SLC22A23: variants seen among roughly 807,000 people sequenced by gnomAD.
SLC22A23 encodes ion transporter protein.
SLC22A23 carries 26 observed loss-of-function variants against 61.0 expected under a neutral mutation model. The observed-to-expected ratio is 0.43, with a 90% CI of 0.31 to 0.59. SLC22A23 has a LOEUF of 0.59. Among genes scored for constraint, SLC22A23 ranks in the 20% least tolerant of loss-of-function variants. SLC22A23 has a pLI of 0.11. For synonymous variants in SLC22A23, 430 were observed against 413.9 expected (o/e 1.04, Z -0.47); for missense variants, 796 against 934.7 (o/e 0.85, Z 1.94).
chr6:3,391,816 C>T (rs1767677284), intron 3 of SLC22A23, among the ~76,000 whole-genome samples: 1 of 152,008 alleles, frequency 6.6e-6, no homozygotes, highest in South Asian at 2.1e-4. Context: ...GTTCCACAGG[C>T]ATCAACTGAA....
chr6:3,395,627 T>C (rs1415666758), intron 3 of SLC22A23, among the ~76,000 whole-genome samples: 1 of 152,232 alleles, frequency 6.6e-6, no homozygotes, highest in Non-Finnish European at 1.5e-5. Context: ...GGCTTGCTCA[T>C]GGAGCAGGCC....
intron 3 of SLC22A23, among the ~76,000 whole-genome samples, chr6:3,402,825 T>C (rs919552426): frequency 1.3e-5 from 2 of 152,152 alleles, no homozygotes; most frequent in South Asian, 2.1e-4. Context: ...CACTCAACAA[T>C]GGCAAGGGTT....
intron 3 of SLC22A23, among the ~76,000 whole-genome samples, chr6:3,335,196 T>C (rs1427646447): frequency 1.3e-5 from 2 of 152,220 alleles, no homozygotes; most frequent in East Asian, 1.9e-4. Context: ...AGGTCTGTGA[T>C]TGAGGAAAAT....
At chr6:3,287,229 G>A (rs979584169) in intron 6 of SLC22A23, 138 bp from the exon 7 acceptor site, 45 of 735,794 alleles carry the variant, frequency 6.1e-5, no homozygotes, top group Non-Finnish European at 8.3e-5. Flanking sequence ...CATCATGACC[G>A]AACCACGAGC....
intron 3 of SLC22A23, among the ~76,000 whole-genome samples, chr6:3,345,948 G>C (rs954117226): frequency 2.0e-5 from 3 of 152,180 alleles, no homozygotes; most frequent in Non-Finnish European, 2.9e-5. Context: ...TTCTCCGAGA[G>C]TGTTGGCTGC....
intron 1 of SLC22A23, among the ~76,000 whole-genome samples, chr6:3,431,491 T>C (rs1170314963): frequency 2.0e-5 from 3 of 152,142 alleles, no homozygotes; most frequent in Non-Finnish European, 4.4e-5. Context: ...TGTGGGCTAT[T>C]GGCCAGTCCT....
chr6:3,337,350 T>G (rs61062673), intron 3 of SLC22A23, among the ~76,000 whole-genome samples: 3 of 150,558 alleles, frequency 2.0e-5, no homozygotes, highest in Non-Finnish European at 3.0e-5. Flanking sequence ...CTGGGGAGAG[T>G]GGTGAGTATT....
At chr6:3,306,592 C>A (rs1266315882) in intron 4 of SLC22A23, among the ~76,000 whole-genome samples, 1 of 152,150 alleles carries the variant, frequency 6.6e-6, no homozygotes, top group Non-Finnish European at 1.5e-5. Flanking sequence ...ACTGGAGAGA[C>A]TGTCAGGCTG....
intron 1 of SLC22A23, among the ~76,000 whole-genome samples, chr6:3,428,703 A>G (rs1770664224): frequency 1.3e-5 from 2 of 152,184 alleles, no homozygotes; most frequent in African/African-American, 2.4e-5. Context: ...TAACGATCCA[A>G]TAAGGAAGCC....
rs1219033004 is a variant in SLC22A23 at position 3,390,767 on chromosome 6, C to T, written c.913+19421G>A. Among the ~76,000 whole-genome samples the T allele has an allele frequency of 6.6e-6, 1 of 152,164 alleles. No individual in the cohort carries two copies. The highest frequency in any genetic ancestry group is 1.5e-5 in the Non-Finnish European group (1 of 68,044). The stretch of plus-strand genomic sequence containing the variant: ...GAGTGTACTAAACATCATCACTGAA[C>T]ATTTATATTCTAAACATCAGTCTCA... On this transcript the variant is annotated intron_variant, in intron 3 of 9. Coordinates refer to ENST00000406686, the MANE Select transcript of SLC22A23 (RefSeq NM_015482.2). The surrounding 1 kb of genome is among the most constrained non-coding windows in gnomAD (Gnocchi z 4.0).
intron 3 of SLC22A23, among the ~76,000 whole-genome samples, chr6:3,368,594 AAAGTT>A (rs1765993086): frequency 6.6e-6 from 1 of 152,220 alleles, no homozygotes; most frequent in Non-Finnish European, 1.5e-5. Flanking sequence ...AAAAACTGAA[AAAGTT>A]AAGGATGGGC....
chr6:3,345,901 A>G (rs894090515), intron 3 of SLC22A23, among the ~76,000 whole-genome samples: 1 of 152,200 alleles, frequency 6.6e-6, no homozygotes, highest in Non-Finnish European at 1.5e-5. Flanking sequence ...CCTGCTGTAC[A>G]TATAGCCGAG....
In SLC22A23 at chr6:3,342,729, T is replaced by C. The variant is rs918605942; in HGVS notation, c.914-18727A>G. Among the ~76,000 whole-genome samples, 1 of 152,166 alleles carries C rather than the reference T, an allele frequency of 6.6e-6. No individual in the cohort carries two copies. Among genetic ancestry groups the C allele is most frequent in the Non-Finnish European group, 1.5e-5 (1 of 68,036 alleles). On this transcript the variant is annotated intron_variant, in intron 3 of 9. Coordinates refer to ENST00000406686, the MANE Select transcript of SLC22A23 (RefSeq NM_015482.2). This position sits in a 1 kb window ranked among gnomAD's most constrained non-coding sequence, Gnocchi z 4.0. ...CGTACAAATAACACCTTCACATTAG[T>C]GCTGGGGATGAAAACCTTTTCCTCC...
intron 3 of SLC22A23, among the ~76,000 whole-genome samples, chr6:3,401,097 T>C (rs759499526): frequency 1.3e-5 from 2 of 152,264 alleles, no homozygotes; most frequent in African/African-American, 2.4e-5. Context: ...ATCCCAGCAC[T>C]TCGGGAGGCC....
chr6:3,334,301 A>G (rs555789058), intron 3 of SLC22A23, among the ~76,000 whole-genome samples: 1 of 152,256 alleles, frequency 6.6e-6, no homozygotes, highest in African/African-American at 2.4e-5. Context: ...AGCTAGGATT[A>G]CAGGCACCTT....
At chr6:3,323,565 G>A in intron 4 of SLC22A23, 2 of 539,076 alleles carry the variant, frequency 3.7e-6, no homozygotes, top group Non-Finnish European at 3.3e-6. Flanking sequence ...GCAAGAAGGG[G>A]TGAGCCAGAC....
At chr6:3,399,080 G>A (rs1035397863) in intron 3 of SLC22A23, among the ~76,000 whole-genome samples, 1 of 138,372 alleles carries the variant, frequency 7.2e-6, no homozygotes, top group Non-Finnish European at 1.6e-5. Context: ...CACTCAGAAG[G>A]CCCCTGAGTC....
rs1016185272 is a variant in SLC22A23 at position 3,399,900 on chromosome 6, C to T, written c.913+10288G>A. ...TATGATTGCATTTATTTTTTTGAGA[C>T]GGAGTTTTGCTCTTGTTGCCCAGGC... On this transcript the variant is annotated intron_variant, in intron 3 of 9. Transcript: ENST00000406686. 1.6e-4 allele frequency among the ~76,000 whole-genome samples: 24 copies of T among 152,116 alleles called. 1 individual carries two copies. The highest frequency in any genetic ancestry group is 1.3e-3 in the Admixed American group (20 of 15,274).
At chr6:3,344,727 T>A (rs1285145048) in intron 3 of SLC22A23, among the ~76,000 whole-genome samples, 5 of 152,240 alleles carry the variant, frequency 3.3e-5, no homozygotes, top group Non-Finnish European at 5.9e-5. Flanking sequence ...TTGAAATAAG[T>A]AAGCGTTAGG....
Sources: gnomAD v4.1 joint callset for allele counts (sites outside exome capture counted in the v4.1 genomes callset) on GRCh38, gnomAD v4.1.1 for gene constraint, Gnocchi (gnomAD v3.1) non-coding constraint, MANE v1.5 for transcripts, NCBI Gene and HGNC (gene_info 2026-07-23, HGNC 2026-07-21) for gene names.